RABGAP1L: variants seen among roughly 807,000 people sequenced by gnomAD.
RABGAP1L encodes the protein RAB GTPase activating protein 1 like.
RABGAP1L carries 63 observed loss-of-function variants against 137.7 expected under a neutral mutation model. The ratio of observed to expected loss-of-function variants is 0.46; its 90% CI spans 0.37 to 0.56. RABGAP1L has a LOEUF of 0.56. Among genes scored for constraint, RABGAP1L ranks in the 20% least tolerant of loss-of-function variants. The pLI is 0.00. For missense variants in RABGAP1L, 1,095 were observed against 1,244.0 expected, an observed-to-expected ratio of 0.88 and a Z score of 1.80; for synonymous variants, 431 against 433.7, an observed-to-expected ratio of 0.99 and a Z score of 0.08.
chr1:174,662,121 T>TTTTTTTTTTTTTG (rs59243192), intron 14 of RABGAP1L, among the ~76,000 whole-genome samples: 8 of 135,222 alleles, frequency 5.9e-5, no homozygotes, highest in African/African-American at 1.2e-4. Flanking sequence ...TTTTTTTTTT[T>TTTTTTTTTTTTTG]GAGTTGGAGT....
chr1:174,542,442 C>A (rs967897741), intron 13 of RABGAP1L, among the ~76,000 whole-genome samples: 2 of 151,892 alleles, frequency 1.3e-5, no homozygotes, highest in East Asian at 3.9e-4. Flanking sequence ...TGGTGATATC[C>A]CCTTTATCAT....
At position 174,349,660 on chromosome 1, in the gene RABGAP1L, C is replaced by T. The variant is rs1422445871; in HGVS notation, c.1466-21319C>T. Among the ~76,000 whole-genome samples the T allele has an allele frequency of 1.3e-4, 16 of 125,828 alleles. No homozygotes were observed. The South Asian group carries it at 1.4e-3, about 11-fold the overall frequency. 82.5% of individuals were successfully genotyped at this position (125,828 alleles called of 152,430 possible). ...CTGACCCCCCCACCTCCCTCCCGGA[C>T]GAGGCGGCTGGCCGGGCGTGGGGCT... On this transcript the variant is annotated intron_variant, in intron 11 of 25. Coordinates refer to ENST00000681986, the MANE Select transcript of RABGAP1L (RefSeq NM_001366446.1).
chr1:174,514,876 A>T (rs1387075658), intron 13 of RABGAP1L, among the ~76,000 whole-genome samples: 2 of 152,172 alleles, frequency 1.3e-5, no homozygotes, highest in Non-Finnish European at 2.9e-5. Flanking sequence ...TTATATGCTT[A>T]AAAATTATTG....
At chr1:174,725,476 C>T (rs72715289) in intron 17 of RABGAP1L, among the ~76,000 whole-genome samples, 4,850 of 152,062 alleles carry the variant, frequency 0.032, 110 homozygotes, top group Non-Finnish European at 0.044. Flanking sequence ...ATTTTTCTCC[C>T]CCATAAGTTT....
chr1:174,973,645 A>T (rs892998482), intron 21 of RABGAP1L, among the ~76,000 whole-genome samples: 14 of 152,060 alleles, frequency 9.2e-5, no homozygotes, highest in African/African-American at 3.4e-4. Context: ...TCAGCCTCCC[A>T]AAGTGCTGGG....
intron 13 of RABGAP1L, among the ~76,000 whole-genome samples, chr1:174,590,123 C>CTTTT (rs1166364912): frequency 9.7e-4 from 58 of 59,806 alleles, no homozygotes; most frequent in Non-Finnish European, 1.3e-3. Flanking sequence ...TCTTCAGTTT[C>CTTTT]TTTTTTTTTT....
chr1:174,874,655 A>G lies in RABGAP1L; in HGVS notation c.2340+62695A>G, dbSNP rs1279699537. 3 of 309,210 alleles carry G rather than the reference A, an allele frequency of 9.7e-6. No homozygotes were observed. The Admixed American group carries it at 2.0e-4, about 21-fold the overall frequency. 19.2% of individuals were successfully genotyped at this position (309,210 alleles called of 1,614,324 possible). On this transcript the variant is annotated intron_variant, in intron 19 of 25. Transcript: ENST00000681986. ...GATAACTGCAGACACTCAGGTGTAAACAACCCAGGGAATCAATGGGTTGGG... is the reference window on the plus strand; with the variant it reads ...GATAACTGCAGACACTCAGGTGTAAGCAACCCAGGGAATCAATGGGTTGGG...
intron 19 of RABGAP1L, among the ~76,000 whole-genome samples, chr1:174,919,795 G>A (rs1020403499): frequency 5.3e-5 from 8 of 152,162 alleles, no homozygotes; most frequent in Non-Finnish European, 1.5e-5. Context: ...GTTTCAGGCT[G>A]CAGTGAGCTA....
chr1:174,536,691 C>T (rs1475230699), intron 13 of RABGAP1L, among the ~76,000 whole-genome samples: 3 of 152,006 alleles, frequency 2.0e-5, no homozygotes, highest in Non-Finnish European at 4.4e-5. Context: ...TGGAAATCAT[C>T]TTTTGTGTAT....
chr1:174,656,045 A>G (rs1475302649), intron 14 of RABGAP1L, among the ~76,000 whole-genome samples: 6 of 152,212 alleles, frequency 3.9e-5, no homozygotes, highest in African/African-American at 1.2e-4. Flanking sequence ...ATCTCATTGT[A>G]TAGAACTAAG....
chr1:174,418,050 T>C (rs1650810561), intron 13 of RABGAP1L, among the ~76,000 whole-genome samples: 1 of 152,234 alleles, frequency 6.6e-6, no homozygotes, highest in African/African-American at 2.4e-5. Context: ...AGGCAACTTA[T>C]TGGCTCTCCA....
At chr1:174,350,073 T>A (rs1193380108) in intron 11 of RABGAP1L, among the ~76,000 whole-genome samples, 1 of 130,228 alleles carries the variant, frequency 7.7e-6, no homozygotes, top group Non-Finnish European at 1.6e-5. Flanking sequence ...ACGGGGCGGC[T>A]GGCTGGGCGG....
At chr1:174,395,728 G>T (rs1647757908) in intron 13 of RABGAP1L, among the ~76,000 whole-genome samples, 2 of 151,756 alleles carry the variant, frequency 1.3e-5, no homozygotes, top group Non-Finnish European at 2.9e-5. Context: ...CATATGCCTG[G>T]AGTCTCAGCT....
chr1:174,615,012 CT>C (rs1442211911), intron 13 of RABGAP1L, among the ~76,000 whole-genome samples: 2 of 152,094 alleles, frequency 1.3e-5, no homozygotes, highest in African/African-American at 4.8e-5. Flanking sequence ...ACTTCTTTGC[CT>C]TTGGTTTGAA....
chr1:174,184,930 G>A (rs1273542656), intron 1 of RABGAP1L, among the ~76,000 whole-genome samples: 1 of 152,152 alleles, frequency 6.6e-6, no homozygotes, highest in Non-Finnish European at 1.5e-5. Context: ...GTATGCTAGC[G>A]ATGTCTACTT....
At chr1:174,787,402 CAAAAAAAA>C (rs35930436) in intron 18 of RABGAP1L, among the ~76,000 whole-genome samples, 2 of 119,894 alleles carry the variant, frequency 1.7e-5, no homozygotes, top group South Asian at 2.7e-4. Flanking sequence ...GACTCTGTGT[CAAAAAAAA>C]AAAAAAAAAA....
chr1:174,807,847 A>C (rs1450821659), intron 18 of RABGAP1L, among the ~76,000 whole-genome samples: 1 of 152,092 alleles, frequency 6.6e-6, no homozygotes, highest in Non-Finnish European at 1.5e-5. Context: ...CTGTAATCCC[A>C]ACACTTTGGG....
intron 14 of RABGAP1L, among the ~76,000 whole-genome samples, chr1:174,641,199 A>G (rs1318862102): frequency 6.6e-6 from 1 of 151,950 alleles, no homozygotes; most frequent in Non-Finnish European, 1.5e-5. Flanking sequence ...GGATACAACA[A>G]TCTGACTTTG....
chr1:174,968,238 A>G (rs1341215026), intron 20 of RABGAP1L, among the ~76,000 whole-genome samples: 2 of 152,150 alleles, frequency 1.3e-5, no homozygotes, highest in African/African-American at 2.4e-5. Flanking sequence ...GTTTTTTGTC[A>G]CTGCTTTGTC....
Sources: allele counts gnomAD v4.1 joint callset (sites outside exome capture counted in the v4.1 genomes callset), GRCh38; gene constraint gnomAD v4.1.1; transcripts MANE v1.5; gene names NCBI Gene and HGNC (gene_info 2026-07-23, HGNC 2026-07-21).